The following NPIPB2 variants were observed in gnomAD, a reference collection of about 807,000 sequenced individuals.
The protein encoded by NPIPB2 is nuclear pore complex-interacting protein family member B2.
In NPIPB2, 27 loss-of-function variants were observed where a neutral mutation model predicts 30.8. The ratio of observed to expected loss-of-function variants is 0.88; its 90% confidence interval spans 0.65 to 1.21. The LOEUF (loss-of-function observed/expected upper bound fraction) is 1.21. Among genes scored for constraint, NPIPB2 ranks in the 50% most tolerant of loss-of-function variants. NPIPB2 has a pLI of 0.00. For missense variants in NPIPB2, 440 were observed against 446.2 expected (o/e 0.99, Z 0.13); for synonymous variants, 147 against 162.0 (o/e 0.91, Z 0.70).
chr16:11,973,494 T>C (rs1456889201), intron 1 of NPIPB2, among the ~76,000 whole-genome samples: 5 of 152,210 alleles, frequency 3.3e-5, no homozygotes, highest in Admixed American at 3.3e-4. Context: ...TAGACAAGTT[T>C]TACTGACTTG....
intron 1 of NPIPB2, among the ~76,000 whole-genome samples, chr16:11,947,322 T>TTATTTATTTATTTA (rs144577397): frequency 5.3e-4 from 64 of 119,942 alleles, no homozygotes; most frequent in Middle Eastern, 3.9e-3. Context: ...ATTTATTTAT[T>TTATTTATTTATTTA]TATATATATA....
intron 1 of NPIPB2, among the ~76,000 whole-genome samples, chr16:11,949,976 CAAAGA>C (rs758083948): frequency 1.4e-3 from 217 of 152,270 alleles, no homozygotes; most frequent in Admixed American, 4.6e-3. Flanking sequence ...CATTTGTCCT[CAAAGA>C]AGAGTGTTCT....
chr16:11,972,106 A>G (rs865896062), intron 1 of NPIPB2, among the ~76,000 whole-genome samples: 1 of 152,012 alleles, frequency 6.6e-6, no homozygotes. Context: ...AGATCACGCT[A>G]TTGCACTCCA....
chr16:11,945,108 A>T (rs1010725043), upstream of NPIPB2, among the ~76,000 whole-genome samples: 6 of 151,932 alleles, frequency 3.9e-5, no homozygotes, highest in African/African-American at 1.5e-4. Flanking sequence ...AATCGCTTGA[A>T]CCCGGGAGGC....
chr16:11,950,045 A>AT (rs1002659790), intron 1 of NPIPB2, among the ~76,000 whole-genome samples: 4 of 151,582 alleles, frequency 2.6e-5, no homozygotes, highest in African/African-American at 9.7e-5. Flanking sequence ...TTTATGTTTT[A>AT]TTTTTTCCGA....
intron 1 of NPIPB2, among the ~76,000 whole-genome samples, chr16:11,958,231 G>C (rs2055127070): frequency 6.6e-6 from 1 of 151,926 alleles, no homozygotes; most frequent in Non-Finnish European, 1.5e-5. Context: ...TTCAAGACTA[G>C]CCTGGCCAAC....
At chr16:11,944,317 C>T (rs1213546164), upstream of NPIPB2, among the ~76,000 whole-genome samples, 1 of 151,706 alleles carries the variant, frequency 6.6e-6, no homozygotes, top group African/African-American at 2.4e-5. Context: ...TAGGCGCGTG[C>T]CACCACACCC....
At chr16:11,961,319 T>G (rs1370343568) in intron 1 of NPIPB2, among the ~76,000 whole-genome samples, 2 of 152,080 alleles carry the variant, frequency 1.3e-5, no homozygotes, top group African/African-American at 4.8e-5. Flanking sequence ...AGGCAGCCTC[T>G]CCCACTTACC....
chr16:11,962,620 A>C (rs920814226), intron 1 of NPIPB2, among the ~76,000 whole-genome samples: 5 of 151,110 alleles, frequency 3.3e-5, no homozygotes, highest in African/African-American at 4.8e-5. Context: ...TCAAAAAAAA[A>C]AAAAAAAAAC....
intron 1 of NPIPB2, among the ~76,000 whole-genome samples, chr16:11,951,974 A>G (rs2055070413): frequency 6.6e-6 from 1 of 152,104 alleles, no homozygotes; most frequent in Non-Finnish European, 1.5e-5. Context: ...TCTGATTAAC[A>G]CGGTGAAACC....
intron 1 of NPIPB2, among the ~76,000 whole-genome samples, chr16:11,947,506 C>T (rs879732558): frequency 6.6e-6 from 1 of 151,348 alleles, no homozygotes; most frequent in Non-Finnish European, 1.5e-5. Context: ...TGCCACGCCC[C>T]GCTAATTTTT....
chr16:11,965,542 A>G, intron 1 of NPIPB2: 1 of 1,354,168 alleles, frequency 7.4e-7, no homozygotes, highest in Non-Finnish European at 1.0e-6. Flanking sequence ...CATAATGGGC[A>G]TGATGGTGAG....
chr16:11,971,462 T>G (rs559805635), intron 1 of NPIPB2, among the ~76,000 whole-genome samples: 70 of 140,710 alleles, frequency 5.0e-4, no homozygotes, highest in African/African-American at 1.5e-3. Context: ...GGGGGGTGGG[T>G]GGTTCCAAGT....
intron 1 of NPIPB2, chr16:11,941,776 T>A: frequency 2.7e-6 from 3 of 1,099,708 alleles, no homozygotes; most frequent in Non-Finnish European, 2.7e-6. Context: ...CAATGACCCC[T>A]CCCCCATCTC....
intron 1 of NPIPB2, among the ~76,000 whole-genome samples, chr16:11,963,198 G>A (rs2055166841): frequency 1.3e-5 from 2 of 152,118 alleles, no homozygotes; most frequent in Non-Finnish European, 2.9e-5. Context: ...TGACCAACAC[G>A]GTGAAACCCC....
chr16:11,937,084 T>C (rs939718808), intron 2 of NPIPB2, among the ~76,000 whole-genome samples: 3 of 152,056 alleles, frequency 2.0e-5, no homozygotes, highest in Middle Eastern at 3.2e-3. Context: ...AGCAGTCTCA[T>C]TTTTCAGCTG....
chr16:11,967,984 G>A (rs2055209423), intron 1 of NPIPB2: 2 of 956,902 alleles, frequency 2.1e-6, no homozygotes, highest in Admixed American at 5.8e-5. Flanking sequence ...AACTCTTTAT[G>A]TTAGATATAT....
chr16:11,970,136 G>A (rs2055227322), intron 1 of NPIPB2, among the ~76,000 whole-genome samples: 1 of 152,054 alleles, frequency 6.6e-6, no homozygotes, highest in Admixed American at 6.5e-5. Flanking sequence ...ATCACCTGAG[G>A]TCAGGAGTTA....
At chr16:11,959,583 G>A (rs1301663988) in intron 1 of NPIPB2, among the ~76,000 whole-genome samples, 3 of 150,368 alleles carry the variant, frequency 2.0e-5, no homozygotes, top group Non-Finnish European at 4.4e-5. Context: ...GGGAGACCCC[G>A]TCTCAAAAAA....
Sources: allele counts gnomAD v4.1 joint callset (sites outside exome capture counted in the v4.1 genomes callset), GRCh38; gene constraint gnomAD v4.1.1; transcripts MANE v1.5; gene names NCBI Gene and HGNC (gene_info 2026-07-23, HGNC 2026-07-21).